TRPM3: variants seen among roughly 807,000 people sequenced by gnomAD.
TRPM3 encodes long transient receptor potential channel 3.
Under a neutral mutation model 181.2 loss-of-function variants are expected in TRPM3, and 77 were observed. That is an observed-to-expected ratio of 0.42 (90% CI 0.35 to 0.51). The LOEUF is 0.51. TRPM3 is among the 20% of genes least tolerant of loss of function. The probability of loss-of-function intolerance (pLI) is 0.01; values close to 1 mark genes in which losing one functional copy is unlikely to be tolerated. For missense variants in TRPM3, 1,759 were observed against 2,196.7 expected (o/e 0.80, Z 3.98); for synonymous variants, 745 against 796.4 (o/e 0.94, Z 1.09).
intron 9 of TRPM3, among the ~76,000 whole-genome samples, chr9:70,668,075 A>G (rs1280542533): frequency 1.3e-5 from 2 of 152,160 alleles, no homozygotes; most frequent in Non-Finnish European, 2.9e-5. Context: ...CTTTGTCTGT[A>G]TTATTTCATG....
At chr9:70,792,976 T>C (rs1444685118) in intron 6 of TRPM3, among the ~76,000 whole-genome samples, 1 of 152,164 alleles carries the variant, frequency 6.6e-6, no homozygotes, top group African/African-American at 2.4e-5. Context: ...CTAATAAAAA[T>C]GGAATTTTTG....
intron 1 of TRPM3, among the ~76,000 whole-genome samples, chr9:71,221,909 G>GTGAATGCAATGAA (rs2080266611): frequency 6.6e-6 from 1 of 152,208 alleles, no homozygotes; most frequent in Non-Finnish European, 1.5e-5. Flanking sequence ...GCTGCAATGA[G>GTGAATGCAATGAA]TGAATGTGTG....
At chr9:71,426,876 T>C (rs2093873412) in intron 1 of TRPM3, among the ~76,000 whole-genome samples, 1 of 152,170 alleles carries the variant, frequency 6.6e-6, no homozygotes. Context: ...TTTTTTCCTC[T>C]GTCTTCAGAA....
chr9:71,198,002 T>G (rs1374144992), intron 1 of TRPM3, among the ~76,000 whole-genome samples: 3 of 151,462 alleles, frequency 2.0e-5, no homozygotes, highest in Non-Finnish European at 2.9e-5. Flanking sequence ...TTTATGGTTT[T>G]AGGTCTAACG....
chr9:70,547,535 C>CAAA (rs58051483), intron 25 of TRPM3, among the ~76,000 whole-genome samples: 1 of 119,340 alleles, frequency 8.4e-6, no homozygotes, highest in African/African-American at 3.1e-5. Flanking sequence ...CTTACAAATG[C>CAAA]AAAAAAAAAA....
chr9:70,536,117 A>G lies in TRPM3; in HGVS notation c.4996T>C (p.Phe1666Leu). Reference sequence around the variant, plus strand: ...CTGTCGAGTTTGTCACTGATGGAGAAGCTCTTCCTGGTGTGTGCATATGGC... The same window carrying G: ...CTGTCGAGTTTGTCACTGATGGAGAGGCTCTTCCTGGTGTGTGCATATGGC... ...SAPYAHTRKS[F>L]SISDKLDRQR... The change falls in exon 26 of 26, where the codon TTC (phenylalanine) becomes CTC (leucine). Residue 1666 changes from phenylalanine to leucine, a missense_variant. Around this residue, in one of 8 missense-constraint regions of TRPM3, gnomAD observed 612 missense variants for 590.0 expected, o/e 1.04. Transcript: ENST00000677713. 1.2e-6 allele frequency: 2 copies of G among 1,614,108 alleles called. No homozygotes were observed. Among genetic ancestry groups the G allele is most frequent in the Non-Finnish European group, 8.5e-7 (1 of 1,180,008 alleles).
At chr9:70,996,845 C>T (rs542755117) in intron 1 of TRPM3, among the ~76,000 whole-genome samples, 1 of 152,128 alleles carries the variant, frequency 6.6e-6, no homozygotes, top group Non-Finnish European at 1.5e-5. Context: ...TTATTTGGCT[C>T]CTATGAACAG....
intron 1 of TRPM3, among the ~76,000 whole-genome samples, chr9:71,356,801 G>A (rs567249885): frequency 8.5e-5 from 13 of 152,138 alleles, no homozygotes; most frequent in East Asian, 7.7e-4. Context: ...GTGTATTCCA[G>A]CCCCGAGCCC....
intron 1 of TRPM3, among the ~76,000 whole-genome samples, chr9:71,297,139 G>A (rs2086351736): frequency 6.6e-6 from 1 of 151,862 alleles, no homozygotes; most frequent in African/African-American, 2.4e-5. Context: ...CTACAGGTGT[G>A]CACCACCACA....
chr9:71,328,157 CTG>C (rs1266269304), intron 1 of TRPM3, among the ~76,000 whole-genome samples: 3 of 151,426 alleles, frequency 2.0e-5, no homozygotes, highest in Non-Finnish European at 4.4e-5. Flanking sequence ...TCTGACCTCT[CTG>C]TTTTTTGTTT....
chr9:71,222,523 GC>G (rs1299826182), intron 1 of TRPM3, among the ~76,000 whole-genome samples: 1 of 152,140 alleles, frequency 6.6e-6, no homozygotes, highest in African/African-American at 2.4e-5. Flanking sequence ...CCAAATAGAA[GC>G]CTGCACTAAT....
chr9:70,782,275 G>T (rs1319380921), intron 7 of TRPM3, among the ~76,000 whole-genome samples: 1 of 150,882 alleles, frequency 6.6e-6, no homozygotes, highest in East Asian at 1.9e-4. Flanking sequence ...GCACAATCTT[G>T]GCTCACTGCA....
intron 8 of TRPM3, among the ~76,000 whole-genome samples, chr9:70,684,284 A>G (rs2066218632): frequency 6.6e-6 from 1 of 152,204 alleles, no homozygotes; most frequent in Non-Finnish European, 1.5e-5. Flanking sequence ...ATATTTTGGT[A>G]CAACAGGGCT....
At chr9:70,771,185 T>C (rs1358254066) in intron 7 of TRPM3, among the ~76,000 whole-genome samples, 4 of 152,178 alleles carry the variant, frequency 2.6e-5, no homozygotes, top group Non-Finnish European at 5.9e-5. Context: ...TACTTTAATA[T>C]TTTTGAAGTC....
intron 6 of TRPM3, among the ~76,000 whole-genome samples, chr9:70,793,224 C>T (rs2085970316): frequency 3.3e-5 from 5 of 152,010 alleles, no homozygotes; most frequent in Middle Eastern, 3.4e-3. Flanking sequence ...GAGACCGAGG[C>T]GGGAGGATCA....
intron 1 of TRPM3, among the ~76,000 whole-genome samples, chr9:71,214,421 T>C (rs2079714945): frequency 6.6e-6 from 1 of 152,150 alleles, no homozygotes; most frequent in Non-Finnish European, 1.5e-5. Context: ...AATGAAAACA[T>C]ACGCCCACAC....
chr9:70,922,648 T>C (rs1409048192), intron 1 of TRPM3, among the ~76,000 whole-genome samples: 2 of 152,208 alleles, frequency 1.3e-5, no homozygotes, highest in Non-Finnish European at 2.9e-5. Context: ...CAGAACTTAT[T>C]ACAGTTCCTT....
chr9:71,272,584 A>G (rs2132136117), intron 1 of TRPM3, among the ~76,000 whole-genome samples: 1 of 152,298 alleles, frequency 6.6e-6, no homozygotes, highest in South Asian at 2.1e-4. Flanking sequence ...TAAAACGATT[A>G]AACTCAACTA....
chr9:71,315,180 G>A (rs1216785052), intron 1 of TRPM3, among the ~76,000 whole-genome samples: 2 of 152,042 alleles, frequency 1.3e-5, no homozygotes, highest in Non-Finnish European at 2.9e-5. Context: ...TTTCCATCTA[G>A]ACTCAAGGAA....
Sources: allele counts gnomAD v4.1 joint callset (sites outside exome capture counted in the v4.1 genomes callset), GRCh38; gene constraint gnomAD v4.1.1; regional missense constraint gnomAD v4.1.1; transcripts MANE v1.5; gene names NCBI Gene and HGNC (gene_info 2026-07-23, HGNC 2026-07-21).